CD300A: variants seen among roughly 807,000 people sequenced by gnomAD.
CD300A encodes the protein CMRF35-like molecule 8.
CD300A carries 22 observed loss-of-function variants against 33.6 expected under a neutral mutation model. That is an observed-to-expected ratio of 0.66 (90% CI 0.47 to 0.94). The LOEUF (loss-of-function observed/expected upper bound fraction) is 0.94. Among genes scored for constraint, CD300A ranks in the 40% least tolerant of loss-of-function variants. CD300A has a pLI of 0.00. For synonymous variants in CD300A, 136 were observed against 148.1 expected, an observed-to-expected ratio of 0.92 and a Z score of 0.59; for missense variants, 326 against 360.5, an observed-to-expected ratio of 0.90 and a Z score of 0.77.
intron 3 of CD300A, among the ~76,000 whole-genome samples, chr17:74,476,510 G>T (rs1906471515): frequency 6.6e-6 from 1 of 152,164 alleles, no homozygotes; most frequent in African/African-American, 2.4e-5. Flanking sequence ...AGTTTGCGGG[G>T]TGGGTTGGTG....
chr17:74,469,874 C>A, intron 1 of CD300A: 2 of 748,976 alleles, frequency 2.7e-6, no homozygotes, highest in Non-Finnish European at 3.3e-6. Flanking sequence ...CAAAAAAATC[C>A]ATTTATTAAT....
At chr17:74,475,049 C>T (rs1906372486) in intron 3 of CD300A, among the ~76,000 whole-genome samples, 1 of 152,070 alleles carries the variant, frequency 6.6e-6, no homozygotes, top group Non-Finnish European at 1.5e-5. Flanking sequence ...AAAGACATAC[C>T]CGAGACTGGA....
rs1906864101 is a variant in CD300A at position 74,481,731 on chromosome 17, C to A, written c.672C>A (p.Ala224=). Residue 224 remains alanine, a synonymous_variant, in exon 6 of 7, where the codon GCC becomes GCA. Coordinates refer to ENST00000360141, the MANE Select transcript of CD300A (RefSeq NM_007261.4). ...GGGACCTCCTGCCCACCCAGGCTGCCACGCAGAGTGAGCTGCACTACGCAA... is the reference window on the plus strand; with the variant it reads ...GGGACCTCCTGCCCACCCAGGCTGCAACGCAGAGTGAGCTGCACTACGCAA... ...SELSQNPKQA[A]TQSELHYANL... 6.2e-7 allele frequency: 1 copy of A among 1,608,206 alleles called. No homozygotes were observed.
intron 1 of CD300A, among the ~76,000 whole-genome samples, chr17:74,471,860 C>T (rs185048743): frequency 5.3e-5 from 8 of 152,160 alleles, no homozygotes; most frequent in Middle Eastern, 3.4e-3. Flanking sequence ...AGGTGCAAGG[C>T]ACCTGTAGAC....
intron 4 of CD300A, among the ~76,000 whole-genome samples, chr17:74,478,335 G>A (rs1488838378): frequency 6.6e-6 from 1 of 152,204 alleles, no homozygotes; most frequent in East Asian, 1.9e-4. Flanking sequence ...CCACAGGCAT[G>A]TGCTTCAAGG....
Position 74,480,660 on chromosome 17 carries a change from C to T in CD300A, c.629-629C>T, listed in dbSNP as rs1296189335. Among the ~76,000 whole-genome samples, 1 of 152,210 alleles carries T rather than the reference C, an allele frequency of 6.6e-6. No individual in the cohort carries two copies. The highest frequency in any genetic ancestry group is 1.5e-5 in the Non-Finnish European group (1 of 68,038). ...ACAGGGCTTTTCAGTGGCATCCTTC[C>T]TCCCCTGGAAACATTTGTGTGAGAT... On this transcript the variant is annotated intron_variant, in intron 4 of 6. Transcript: ENST00000360141. The surrounding 1 kb of genome is among the most constrained non-coding windows in gnomAD (Gnocchi z 4.2).
At chr17:74,471,729 G>A (rs9902865) in intron 1 of CD300A, among the ~76,000 whole-genome samples, 45,877 of 151,988 alleles carry the variant, frequency 0.3, 9,728 homozygotes, top group African/African-American at 0.61. Flanking sequence ...CAGGCGTGGA[G>A]AGGTTTGGGT....
At chr17:74,470,333 G>A in intron 1 of CD300A, 4 of 724,826 alleles carry the variant, frequency 5.5e-6, no homozygotes, top group Non-Finnish European at 6.8e-6. Flanking sequence ...GCTTTGGGGA[G>A]ATGATTGGGT....
rs772698377 is a variant in CD300A at position 74,481,848 on chromosome 17, C to T, written c.774+15C>T. Reference sequence around the variant, plus strand: ...ACAGCACTGTGGTAAGTGCAGGAGCCCGGCTTTTGGGCATGCGGCCCCTGG... The same window carrying T: ...ACAGCACTGTGGTAAGTGCAGGAGCTCGGCTTTTGGGCATGCGGCCCCTGG... On this transcript the variant is annotated intron_variant, in intron 6 of 6. Transcript: ENST00000360141. 4 of 1,592,768 alleles carry T rather than the reference C, an allele frequency of 2.5e-6. No homozygotes were observed. Among genetic ancestry groups the T allele is most frequent in the Admixed American group, 1.7e-5 (1 of 57,440 alleles).
At chr17:74,466,977 G>A (rs1241788348) in intron 1 of CD300A, 10 of 1,410,856 alleles carry the variant, frequency 7.1e-6, no homozygotes, top group South Asian at 1.5e-5. Context: ...GAACCACAGC[G>A]GGGCAAGTGA....
chr17:74,482,055 G>A (rs537776940), intron 6 of CD300A, among the ~76,000 whole-genome samples: 4 of 152,108 alleles, frequency 2.6e-5, no homozygotes, highest in Non-Finnish European at 4.4e-5. Flanking sequence ...GTGGCCAGCA[G>A]CTATGGCTCT....
rs776376133 is a variant in CD300A at position 74,481,864 on chromosome 17, C to T, written c.774+31C>T. ...TGCAGGAGCCCGGCTTTTGGGCATG[C>T]GGCCCCTGGGCTGTGCCAGGGCACC... On this transcript the variant is annotated intron_variant, in intron 6 of 6. Transcript: ENST00000360141. 1.2e-5 allele frequency: 19 copies of T among 1,533,264 alleles called. No individual in the cohort carries two copies. The East Asian group carries it at 2.3e-4, about 19-fold the overall frequency. 95.0% of individuals were successfully genotyped at this position (1,533,264 alleles called of 1,614,324 possible). A position where few individuals can be genotyped will look rare whatever the true frequency, so the allele number is the denominator to read the frequency against.
intron 4 of CD300A, among the ~76,000 whole-genome samples, 197 bp from the exon 5 acceptor site, chr17:74,481,092 G>C (rs1906812606): frequency 6.6e-6 from 1 of 152,060 alleles, no homozygotes; most frequent in Non-Finnish European, 1.5e-5. Flanking sequence ...CTCATCCTGT[G>C]CTCGTTCATT....
chr17:74,481,468 A>T (rs1221003005), intron 5 of CD300A, 142 bp downstream of exon 5: 3 of 765,160 alleles, frequency 3.9e-6, no homozygotes, highest in Non-Finnish European at 6.6e-6. Flanking sequence ...ATGCTGGGAG[A>T]TGTGGTCACT....
intron 4 of CD300A, among the ~76,000 whole-genome samples, chr17:74,479,094 G>A (rs531878889): frequency 6.6e-6 from 1 of 152,128 alleles, no homozygotes; most frequent in African/African-American, 2.4e-5. Flanking sequence ...TGAAAAATGA[G>A]CAAAAGCACA....
intron 6 of CD300A, among the ~76,000 whole-genome samples, chr17:74,482,706 C>CTT (rs1231232078): frequency 8.2e-6 from 1 of 122,132 alleles, no homozygotes; most frequent in Non-Finnish European, 1.6e-5. Context: ...TCCTTTCTTT[C>CTT]TTTCTTTCTT....
chr17:74,472,798 CAG>C (rs1248936258), intron 1 of CD300A, among the ~76,000 whole-genome samples: 1 of 152,060 alleles, frequency 6.6e-6, no homozygotes, highest in Non-Finnish European at 1.5e-5. Context: ...TTAGTAGAGA[CAG>C]GGTTTCACCA....
At chr17:74,474,190 G>C (rs891147604) in intron 2 of CD300A, among the ~76,000 whole-genome samples, 12 of 31,120 alleles carry the variant, frequency 3.9e-4, no homozygotes, top group African/African-American at 2.0e-3. Context: ...CAGAGAGGCT[G>C]GGGGGCCAGA....
rs368240791 is a variant in CD300A at position 74,473,872 on chromosome 17, C to A, written c.377C>A (p.Pro126Gln). Residue 126 changes from proline (P) to glutamine (Q), a missense_variant and splice_region_variant, in exon 2 of 7, where the codon CCG (proline) becomes CAG (glutamine). Transcript: ENST00000360141. ...GTCGAGGTTGAGGTGTCCGTGTTCCCGGGTGAGCCCCTCCTTCCCTCAGCG... is the reference window on the plus strand; with the variant it reads ...GTCGAGGTTGAGGTGTCCGTGTTCCAGGGTGAGCCCCTCCTTCCCTCAGCG... ...PVVEVEVSVF[P>Q]ASTSMTPASI... 73 of 1,608,044 alleles carry A rather than the reference C, an allele frequency of 4.5e-5. No homozygotes were observed. The highest frequency in any genetic ancestry group is 3.3e-4 in the Middle Eastern group (2 of 6,066).
Sources: gnomAD v4.1 joint callset for allele counts (sites outside exome capture counted in the v4.1 genomes callset) on GRCh38, gnomAD v4.1.1 for gene constraint, Gnocchi (gnomAD v3.1) non-coding constraint, MANE v1.5 for transcripts, NCBI Gene and HGNC (gene_info 2026-07-23, HGNC 2026-07-21) for gene names.